Variants in FBXO11 observed in about 807,000 individuals in gnomAD.
FBXO11 encodes the protein F-box protein 11.
Under a neutral mutation model 117.0 loss-of-function variants are expected in FBXO11, and 13 were observed. The ratio of observed to expected loss-of-function variants is 0.11; its 90% CI spans 0.07 to 0.18. The LOEUF (loss-of-function observed/expected upper bound fraction) is 0.18, where lower values mean the gene tolerates loss of function less well. Among genes scored for constraint, FBXO11 ranks in the 10% least tolerant of loss-of-function variants. The pLI is 1.00. For synonymous variants in FBXO11, 490 were observed against 380.5 expected, an observed-to-expected ratio of 1.29 and a Z score of -3.35; for missense variants, 767 against 1,164.4, an observed-to-expected ratio of 0.66 and a Z score of 4.97.
intron 1 of FBXO11, among the ~76,000 whole-genome samples, chr2:47,846,640 T>C (rs1673432008): frequency 6.6e-6 from 1 of 152,104 alleles, no homozygotes; most frequent in Admixed American, 6.6e-5. Flanking sequence ...AGACCAGAAA[T>C]GTCCACCAGA....
chr2:47,818,567 G>C, intron 16 of FBXO11: 1 of 471,960 alleles, frequency 2.1e-6, no homozygotes, highest in Non-Finnish European at 3.8e-6. Flanking sequence ...GTGGAAGTGA[G>C]CTCTTATGGC....
chr2:47,854,645 G>GA (rs1340533359), intron 1 of FBXO11, among the ~76,000 whole-genome samples: 4 of 152,006 alleles, frequency 2.6e-5, no homozygotes, highest in Non-Finnish European at 5.9e-5. Context: ...AAATTAATTA[G>GA]AATTATGTGG....
intron 1 of FBXO11, among the ~76,000 whole-genome samples, chr2:47,850,879 GT>G (rs1419870582): frequency 6.6e-6 from 1 of 152,054 alleles, no homozygotes; most frequent in Non-Finnish European, 1.5e-5. Flanking sequence ...ATTTAAAAAT[GT>G]TTTCTTCCAT....
rs1372510097 is a variant in FBXO11 at position 47,905,681 on chromosome 2, C to G, written c.40G>C (p.Val14Leu). ...TGCTGCACCGGGCGCGGCCGCGACA[C>G]TCGCCTGGGTCTCCGGTTGGCGGCT... ...VRAANRRPRRVSRPRPVQQQQ... is the reference protein window; with the variant it reads ...VRAANRRPRRLSRPRPVQQQQ... The change falls in exon 1 of 23, where the codon GTG becomes CTG. Residue 14 changes from valine to leucine, a missense_variant. Around this residue, in one of 10 missense-constraint regions of FBXO11, gnomAD observed 355 missense variants for 299.8 expected, o/e 1.18. Transcript: ENST00000403359. 6.6e-7 allele frequency: 1 copy of G among 1,510,522 alleles called. No homozygotes were observed. The highest frequency in any genetic ancestry group is 1.2e-5 in the South Asian group (1 of 82,262). 93.6% of individuals were successfully genotyped at this position (1,510,522 alleles called of 1,614,324 possible).
rs138245444 is a variant in FBXO11, at chr2:47,837,522, C to T, written c.587+1337G>A. Among the ~76,000 whole-genome samples the T allele has an allele frequency of 1.1e-4, 17 of 152,130 alleles. No homozygotes were observed. In the East Asian group the frequency reaches 2.7e-3, roughly 24 times the overall value. On this transcript the variant is annotated intron_variant, in intron 4 of 22. Transcript: ENST00000403359. The stretch of plus-strand genomic sequence containing the variant: ...AGCCTGGGCAACAAGAACGAAACTC[C>T]GTCAAAAACAACAACAAAAACATAT...
chr2:47,861,163 A>T (rs1674742980), intron 1 of FBXO11, among the ~76,000 whole-genome samples: 1 of 152,158 alleles, frequency 6.6e-6, no homozygotes, highest in South Asian at 2.1e-4. Context: ...CCCTATTTTT[A>T]AGTCTTAAAC....
chr2:47,885,658 A>C (rs562896520), intron 1 of FBXO11, among the ~76,000 whole-genome samples: 1 of 152,236 alleles, frequency 6.6e-6, no homozygotes, highest in Non-Finnish European at 1.5e-5. Context: ...AAAGCATACA[A>C]GACTTGGAAA....
At chr2:47,849,511 A>T (rs1673684577) in intron 1 of FBXO11, among the ~76,000 whole-genome samples, 1 of 152,212 alleles carries the variant, frequency 6.6e-6, no homozygotes, top group South Asian at 2.1e-4. Flanking sequence ...CTTGCCATGG[A>T]CTGTGCTAGG....
intron 20 of FBXO11, 162 bp from the exon 21 acceptor site, chr2:47,809,428 C>T (rs1670459514): frequency 5.8e-6 from 4 of 684,598 alleles, no homozygotes; most frequent in Non-Finnish European, 9.6e-6. Context: ...ATAGAATTTT[C>T]CTTGTATAAG....
At chr2:47,875,963 T>A (rs759412868) in intron 1 of FBXO11, among the ~76,000 whole-genome samples, 1 of 152,196 alleles carries the variant, frequency 6.6e-6, no homozygotes, top group Non-Finnish European at 1.5e-5. Flanking sequence ...TACTAATCAG[T>A]GGCTTTATAT....
intron 10 of FBXO11, 28 bp downstream of exon 10, chr2:47,832,544 A>G (rs779836378): frequency 4.4e-6 from 7 of 1,607,148 alleles, no homozygotes; most frequent in Middle Eastern, 1.7e-4. Context: ...TTCTAAAAAG[A>G]AAAAAACCAC....
At chr2:47,882,402 A>G (rs567234767) in intron 1 of FBXO11, among the ~76,000 whole-genome samples, 1 of 152,294 alleles carries the variant, frequency 6.6e-6, no homozygotes, top group African/African-American at 2.4e-5. Flanking sequence ...TCCCTGCCAC[A>G]GATGCCCTTT....
chr2:47,875,172 C>T (rs961244819), intron 1 of FBXO11, among the ~76,000 whole-genome samples: 3 of 152,018 alleles, frequency 2.0e-5, no homozygotes, highest in Admixed American at 6.6e-5. Flanking sequence ...AGCCAGCCAC[C>T]GTGAAGTAAG....
At chr2:47,874,691 T>C (rs1035686108) in intron 1 of FBXO11, among the ~76,000 whole-genome samples, 3 of 152,044 alleles carry the variant, frequency 2.0e-5, no homozygotes, top group African/African-American at 4.8e-5. Flanking sequence ...TGTACCACCA[T>C]GCTCAGCTAA....
intron 1 of FBXO11, among the ~76,000 whole-genome samples, chr2:47,840,451 CTT>C (rs34381400): frequency 5.3e-4 from 70 of 132,554 alleles, no homozygotes; most frequent in Admixed American, 7.6e-4. Context: ...GTATGAACAT[CTT>C]TTTTTTTTTT....
intron 1 of FBXO11, among the ~76,000 whole-genome samples, chr2:47,900,014 G>C (rs558093332): frequency 6.6e-6 from 1 of 152,178 alleles, no homozygotes; most frequent in Admixed American, 6.5e-5. Context: ...GGAACTACTT[G>C]TGGTTCCTGC....
chr2:47,848,362 ATGCGAGGGATCTAGGTTG>A (rs1673583598), intron 1 of FBXO11, among the ~76,000 whole-genome samples: 1 of 152,120 alleles, frequency 6.6e-6, no homozygotes, highest in African/African-American at 2.4e-5. Context: ...TGAACTGCAC[ATGCGAGGGATCTAGGTTG>A]TGCACTTCTT....
intron 13 of FBXO11, among the ~76,000 whole-genome samples, chr2:47,821,576 C>A (rs1479141931): frequency 6.6e-6 from 1 of 151,028 alleles, no homozygotes; most frequent in East Asian, 1.9e-4. Context: ...CGCCACTGCA[C>A]TCCAGCCTGG....
At chr2:47,820,547 A>C in intron 13 of FBXO11, 91 bp from the exon 14 acceptor site, 4 of 939,886 alleles carry the variant, frequency 4.3e-6, no homozygotes, top group Non-Finnish European at 6.4e-6. Context: ...AAATTCTTAC[A>C]CTAGAATTTT....
Sources: allele counts gnomAD v4.1 joint callset (sites outside exome capture counted in the v4.1 genomes callset), GRCh38; gene constraint gnomAD v4.1.1; regional missense constraint gnomAD v4.1.1; transcripts MANE v1.5; gene names NCBI Gene and HGNC (gene_info 2026-07-23, HGNC 2026-07-21).